Variants in RFC3 observed in about 807,000 individuals in gnomAD.
RFC3 encodes A1 38 kDa subunit.
Under a neutral mutation model 45.1 loss-of-function variants are expected in RFC3, and 41 were observed. The ratio of observed to expected loss-of-function variants is 0.91; its 90% CI spans 0.71 to 1.18. The LOEUF (loss-of-function observed/expected upper bound fraction) is 1.18. RFC3 is among the 50% of genes most tolerant of loss of function. The probability of loss-of-function intolerance (pLI) is 0.00; values close to 1 mark genes in which losing one functional copy is unlikely to be tolerated. For missense variants in RFC3, 423 were observed against 428.1 expected, an observed-to-expected ratio of 0.99 and a Z score of 0.10; for synonymous variants, 149 against 144.0, an observed-to-expected ratio of 1.03 and a Z score of -0.25.
chr13:33,956,266 A>T (rs552667279), intron 8 of RFC3, among the ~76,000 whole-genome samples: 1 of 152,354 alleles, frequency 6.6e-6, no homozygotes, highest in East Asian at 1.9e-4. Flanking sequence ...AAACATAAAA[A>T]TCAGAACATT....
chr13:33,975,360 TGA>T, the RFC3 span, among the ~76,000 whole-genome samples: 1 of 152,176 alleles, frequency 6.6e-6, no homozygotes, highest in Non-Finnish European at 1.5e-5. Context: ...AGTAAACGGA[TGA>T]GTGGTTGCTA....
chr13:33,862,454 C>T (rs2082347149), intron 8 of RFC3, among the ~76,000 whole-genome samples: 1 of 152,074 alleles, frequency 6.6e-6, no homozygotes. Context: ...ATTAATGCTT[C>T]CCATCCTTTA....
intron 8 of RFC3, among the ~76,000 whole-genome samples, chr13:33,941,069 T>C (rs1244904150): frequency 1.3e-5 from 2 of 152,100 alleles, no homozygotes; most frequent in South Asian, 2.1e-4. Context: ...ATGCCCACAG[T>C]GGATGGGAGC....
At chr13:33,976,926 C>T in the RFC3 span, among the ~76,000 whole-genome samples, 5 of 152,186 alleles carry the variant, frequency 3.3e-5, no homozygotes, top group East Asian at 5.8e-4. Context: ...AACACTACCT[C>T]GCCCAGGTAG....
At chr13:33,822,684 C>A (rs941255241) in intron 2 of RFC3, among the ~76,000 whole-genome samples, 10 of 152,030 alleles carry the variant, frequency 6.6e-5, no homozygotes, top group African/African-American at 1.9e-4. Flanking sequence ...GAAGTTGAGT[C>A]CCTATGACAT....
chr13:33,924,921 A>C (rs4363739), intron 8 of RFC3, among the ~76,000 whole-genome samples: 29,083 of 150,144 alleles, frequency 0.19, 4,033 homozygotes, highest in African/African-American at 0.36. Flanking sequence ...AAGACAAAAG[A>C]CAAAAAAATA....
At chr13:33,872,368 A>G (rs1477299183) in intron 8 of RFC3, among the ~76,000 whole-genome samples, 2 of 152,250 alleles carry the variant, frequency 1.3e-5, no homozygotes, top group Non-Finnish European at 2.9e-5. Flanking sequence ...TGAAAGAGGT[A>G]GTAAAAATAT....
chr13:33,826,685 C>CT (rs3135580), intron 4 of RFC3, among the ~76,000 whole-genome samples: 28,138 of 151,990 alleles, frequency 0.19, 3,974 homozygotes, highest in African/African-American at 0.36. Context: ...ACATATCCTA[C>CT]TTTTATATCT....
chr13:33,900,737 G>C (rs1367170381), intron 8 of RFC3, among the ~76,000 whole-genome samples: 1 of 150,710 alleles, frequency 6.6e-6, no homozygotes, highest in Non-Finnish European at 1.5e-5. Context: ...AATCAACAAA[G>C]AGACAACCCA....
intron 8 of RFC3, among the ~76,000 whole-genome samples, chr13:33,936,687 A>C (rs1447377368): frequency 6.6e-6 from 1 of 152,174 alleles, no homozygotes; most frequent in Non-Finnish European, 1.5e-5. Flanking sequence ...GCCCTGGAAC[A>C]GATTTCCCCT....
At chr13:33,839,850 A>G (rs2082184721), downstream of RFC3, among the ~76,000 whole-genome samples, 1 of 152,214 alleles carries the variant, frequency 6.6e-6, no homozygotes, top group South Asian at 2.1e-4. Flanking sequence ...CCTTTTGGAA[A>G]GCATTTTCAA....
intron 8 of RFC3, among the ~76,000 whole-genome samples, chr13:33,908,332 C>T (rs1053643576): frequency 6.6e-6 from 1 of 151,930 alleles, no homozygotes; most frequent in African/African-American, 2.4e-5. Context: ...ATAGAGTAGG[C>T]TTTTGTGGCA....
chr13:33,959,446 T>G (rs1230501616), intron 8 of RFC3, among the ~76,000 whole-genome samples: 1 of 152,176 alleles, frequency 6.6e-6, no homozygotes, highest in Non-Finnish European at 1.5e-5. Flanking sequence ...TCATAGCTCC[T>G]GGCTTCCTCT....
chr13:33,895,215 C>T (rs1212031414), intron 8 of RFC3, among the ~76,000 whole-genome samples: 1 of 152,130 alleles, frequency 6.6e-6, no homozygotes, highest in Non-Finnish European at 1.5e-5. Flanking sequence ...AACAGACAAC[C>T]CACAGAGTGG....
chr13:33,865,368 G>C (rs1157408504), intron 8 of RFC3, among the ~76,000 whole-genome samples: 1 of 152,178 alleles, frequency 6.6e-6, no homozygotes, highest in African/African-American at 2.4e-5. Flanking sequence ...CCTCTCTAGT[G>C]ACAGCTCTAG....
chr13:33,976,305 T>C, the RFC3 span, among the ~76,000 whole-genome samples: 3 of 152,190 alleles, frequency 2.0e-5, no homozygotes, highest in Non-Finnish European at 4.4e-5. Flanking sequence ...GAAGTCATTA[T>C]GTTAAGTGAA....
chr13:33,926,020 A>G (rs1333183476), intron 8 of RFC3, among the ~76,000 whole-genome samples: 4 of 151,948 alleles, frequency 2.6e-5, no homozygotes, highest in Non-Finnish European at 4.4e-5. Context: ...ATGGAATACT[A>G]TGCAGCCATA....
downstream of RFC3, among the ~76,000 whole-genome samples, chr13:33,839,349 T>C (rs966822509): frequency 2.0e-5 from 3 of 152,166 alleles, no homozygotes; most frequent in African/African-American, 7.2e-5. Flanking sequence ...GCCATTTTTA[T>C]CCAGCAAAGC....
At chr13:33,830,424 AAT>A (rs911822383) in intron 5 of RFC3, among the ~76,000 whole-genome samples, 1 of 152,214 alleles carries the variant, frequency 6.6e-6, no homozygotes, top group East Asian at 1.9e-4. Flanking sequence ...CATTAATATG[AAT>A]ATATATACAT....
Sources: allele counts gnomAD v4.1 joint callset (sites outside exome capture counted in the v4.1 genomes callset), GRCh38; gene constraint gnomAD v4.1.1; transcripts MANE v1.5; gene names NCBI Gene and HGNC (gene_info 2026-07-23, HGNC 2026-07-21).